LCORL: variants seen among roughly 807,000 people sequenced by gnomAD.
LCORL encodes ligand-dependent nuclear receptor corepressor-like protein.
In LCORL, 41 loss-of-function variants were observed where a neutral mutation model predicts 141.8. The observed-to-expected ratio is 0.29, with a 90% CI of 0.23 to 0.38. LCORL has a LOEUF of 0.38. LCORL is among the 10% of genes least tolerant of loss of function. The pLI is 1.00. For missense variants in LCORL, 1,759 were observed against 2,035.0 expected (o/e 0.86, Z 2.61); for synonymous variants, 618 against 694.1 (o/e 0.89, Z 1.72).
chr4:17,979,016 T>C (rs545847712), intron 1 of LCORL, among the ~76,000 whole-genome samples: 4 of 152,178 alleles, frequency 2.6e-5, no homozygotes, highest in Non-Finnish European at 5.9e-5. Flanking sequence ...CTGCACGCAT[T>C]AGGTATATCT....
At chr4:17,859,940 AAGG>A (rs1724809323) in intron 7 of LCORL, among the ~76,000 whole-genome samples, 1 of 152,250 alleles carries the variant, frequency 6.6e-6, no homozygotes, top group Non-Finnish European at 1.5e-5. Flanking sequence ...AGTTCTCTAC[AAGG>A]AGAATTACAA....
intron 1 of LCORL, among the ~76,000 whole-genome samples, chr4:17,980,536 G>A (rs1049490456): frequency 3.9e-5 from 6 of 152,188 alleles, no homozygotes; most frequent in East Asian, 1.9e-4. Flanking sequence ...CAAAGACTTC[G>A]AGCTTAAGCA....
At chr4:17,888,537 T>C (rs1728626778) in intron 5 of LCORL, among the ~76,000 whole-genome samples, 1 of 152,148 alleles carries the variant, frequency 6.6e-6, no homozygotes, top group Non-Finnish European at 1.5e-5. Flanking sequence ...AAACTTCTAC[T>C]TATCCTTAAA....
intron 7 of LCORL, among the ~76,000 whole-genome samples, chr4:17,870,760 G>T (rs888763354): frequency 6.6e-6 from 1 of 152,176 alleles, no homozygotes; most frequent in African/African-American, 2.4e-5. Context: ...GTGCTTAAGA[G>T]CATATTGTAG....
At chr4:17,861,612 T>C (rs1236474295) in intron 7 of LCORL, among the ~76,000 whole-genome samples, 2 of 152,190 alleles carry the variant, frequency 1.3e-5, no homozygotes, top group East Asian at 3.9e-4. Context: ...CAAATTTCTG[T>C]AGCCAGCTTG....
intron 4 of LCORL, among the ~76,000 whole-genome samples, chr4:17,919,000 T>C (rs1158708913): frequency 3.3e-5 from 5 of 151,962 alleles, no homozygotes; most frequent in Non-Finnish European, 7.4e-5. Flanking sequence ...AACCTTTAGC[T>C]AAACAGACCA....
chr4:17,909,205 T>G, exon 5 of LCORL: 1 of 1,613,680 alleles, frequency 6.2e-7, no homozygotes. Context: ...TTACATACTA[T>G]ACTTGGTCCA....
At chr4:17,960,471 G>A (rs887112081) in intron 4 of LCORL, among the ~76,000 whole-genome samples, 5 of 152,046 alleles carry the variant, frequency 3.3e-5, no homozygotes, top group Non-Finnish European at 7.4e-5. Context: ...TGACTTCCAA[G>A]GTAAATGAAA....
intron 1 of LCORL, among the ~76,000 whole-genome samples, chr4:18,017,825 A>C (rs1724860052): frequency 6.6e-6 from 1 of 152,166 alleles, no homozygotes; most frequent in African/African-American, 2.4e-5. Context: ...ACAGTGTATC[A>C]GCATTAAATC....
At chr4:17,929,559 T>A (rs1435140087) in intron 4 of LCORL, among the ~76,000 whole-genome samples, 1 of 152,180 alleles carries the variant, frequency 6.6e-6, no homozygotes, top group Non-Finnish European at 1.5e-5. Flanking sequence ...TGACTGGATA[T>A]TTCAATGCAA....
rs187224709 is a variant in LCORL at position 17,916,694 on chromosome 4, G to C, written c.431-7349C>G. ...GATAGTGTCCCCGTCACCCAGGCTG[G>C]AGTGCAGAGGCATGATCTTGGCTCA... On this transcript the variant is annotated intron_variant, in intron 4 of 7. Transcript: ENST00000635767. 3.3e-5 allele frequency among the ~76,000 whole-genome samples: 5 copies of C among 149,928 alleles called. No homozygotes were observed. In the East Asian group the frequency reaches 9.8e-4, roughly 29 times the overall value.
chr4:17,992,131 C>G (rs766038526), intron 1 of LCORL, among the ~76,000 whole-genome samples: 2 of 152,118 alleles, frequency 1.3e-5, no homozygotes, highest in Non-Finnish European at 2.9e-5. Context: ...ATTTATAAAG[C>G]AAAGAGGGTT....
intron 4 of LCORL, among the ~76,000 whole-genome samples, chr4:17,951,195 CCTTA>C (rs1205139236): frequency 6.6e-6 from 1 of 151,962 alleles, no homozygotes; most frequent in South Asian, 2.1e-4. Flanking sequence ...TTAAAAATTG[CCTTA>C]TTTATTTTGC....
exon 8 of LCORL, chr4:17,843,501 AAAATCAGAAC>A: frequency 6.6e-7 from 1 of 1,520,698 alleles, no homozygotes. Context: ...TACCCTTGTC[AAAATCAGAAC>A]AAACCTGATG....
chr4:17,853,947 A>G lies in LCORL; in HGVS notation c.5603-8046T>C, dbSNP rs572860260. The stretch of plus-strand genomic sequence containing the variant: ...GGGGTTTGCGGCTTGGTAAGGAGGC[A>G]GAGTGAGAAAGTATTCATAAATTAC... On this transcript the variant is annotated intron_variant, in intron 7 of 7. Coordinates refer to ENST00000635767, the Ensembl canonical transcript of LCORL. 2.6e-5 allele frequency among the ~76,000 whole-genome samples: 4 copies of G among 152,294 alleles called. No homozygotes were observed. The South Asian group carries it at 6.2e-4, about 24-fold the overall frequency.
At chr4:17,870,132 A>C (rs542849625) in intron 7 of LCORL, among the ~76,000 whole-genome samples, 6 of 152,124 alleles carry the variant, frequency 3.9e-5, no homozygotes, top group South Asian at 2.1e-4. Context: ...AAATTACTCA[A>C]TATTCCACAT....
chr4:17,960,916 T>G (rs907880725), intron 4 of LCORL, among the ~76,000 whole-genome samples: 1 of 152,112 alleles, frequency 6.6e-6, no homozygotes, highest in Admixed American at 6.6e-5. Flanking sequence ...ATTAAGACTC[T>G]TCTAATAAGA....
At chr4:17,966,231 A>T (rs902544937) in intron 2 of LCORL, among the ~76,000 whole-genome samples, 17 of 152,106 alleles carry the variant, frequency 1.1e-4, no homozygotes, top group African/African-American at 3.9e-4. Context: ...TTGGGGAAAA[A>T]AATCAGTAAA....
chr4:17,908,052 G>A (rs1324319847), intron 5 of LCORL, among the ~76,000 whole-genome samples: 1 of 151,750 alleles, frequency 6.6e-6, no homozygotes. Context: ...TTTTTTAAGA[G>A]ACAGAGTTTC....
Sources: allele counts gnomAD v4.1 joint callset (sites outside exome capture counted in the v4.1 genomes callset), GRCh38; gene constraint gnomAD v4.1.1; transcripts MANE v1.5; gene names NCBI Gene and HGNC (gene_info 2026-07-23, HGNC 2026-07-21).